TMEM132D: variants seen among roughly 807,000 people sequenced by gnomAD.
TMEM132D encodes the protein transmembrane protein 132D.
In TMEM132D, 21 loss-of-function variants were observed where a neutral mutation model predicts 62.3. The ratio of observed to expected loss-of-function variants is 0.34; its 90% CI spans 0.24 to 0.49. TMEM132D has a LOEUF of 0.49. Among genes scored for constraint, TMEM132D ranks in the 20% least tolerant of loss-of-function variants. TMEM132D has a pLI of 0.99. For missense variants in TMEM132D, 1,346 were observed against 1,402.8 expected (o/e 0.96, Z 0.65); for synonymous variants, 621 against 575.6 (o/e 1.08, Z -1.13).
At chr12:129,411,470 G>T (rs577075137) in intron 3 of TMEM132D, among the ~76,000 whole-genome samples, 1 of 152,234 alleles carries the variant, frequency 6.6e-6, no homozygotes, top group Admixed American at 6.5e-5. Flanking sequence ...CCAGGTTCAA[G>T]GGATCTTCCT....
chr12:129,522,962 A>ATG (rs1205498553), intron 3 of TMEM132D, among the ~76,000 whole-genome samples: 2 of 151,604 alleles, frequency 1.3e-5, no homozygotes, highest in African/African-American at 2.4e-5. Context: ...ATATATATAT[A>ATG]TACATAGATT....
intron 1 of TMEM132D, among the ~76,000 whole-genome samples, chr12:129,744,734 G>C (rs1450570524): frequency 6.6e-6 from 1 of 152,100 alleles, no homozygotes; most frequent in Non-Finnish European, 1.5e-5. Flanking sequence ...TCTAGGTCCT[G>C]AGCAAACGCA....
rs760907285 is a variant in TMEM132D at position 129,072,477 on chromosome 12, C to T, written c.*1398G>A. 1.3e-5 allele frequency: 2 copies of T among 152,288 alleles called. No homozygotes were observed. The highest frequency in any genetic ancestry group is 2.9e-5 in the Non-Finnish European group (2 of 68,092). The allele number at this position is 152,288 out of a possible 1,614,324, so 9.4% of individuals were successfully genotyped here. A position where few individuals can be genotyped will look rare whatever the true frequency, so the allele number is the denominator to read the frequency against. ...CATAAGTGAAGGGATTCAGGGATAT[C>T]CAGAGTCATGGCTGGTCTTAAGCAA... On this transcript the variant is annotated 3_prime_UTR_variant, in exon 9 of 9. Transcript: ENST00000422113.
intron 3 of TMEM132D, among the ~76,000 whole-genome samples, chr12:129,450,326 T>G (rs796715889): frequency 6.6e-5 from 10 of 152,352 alleles, no homozygotes; most frequent in African/African-American, 1.9e-4. Context: ...CCAGAGTTTT[T>G]ATAGTTTTGG....
intron 2 of TMEM132D, among the ~76,000 whole-genome samples, chr12:129,567,854 T>C (rs1466295456): frequency 6.6e-6 from 1 of 152,172 alleles, no homozygotes; most frequent in Non-Finnish European, 1.5e-5. Flanking sequence ...TCTCCAATAG[T>C]TCTGAACAGA....
At chr12:129,747,787 C>G (rs1483266967) in intron 1 of TMEM132D, among the ~76,000 whole-genome samples, 1 of 150,856 alleles carries the variant, frequency 6.6e-6, no homozygotes, top group Non-Finnish European at 1.5e-5. Flanking sequence ...CATTCACACA[C>G]TCGACACAGA....
intron 3 of TMEM132D, among the ~76,000 whole-genome samples, chr12:129,412,567 C>T (rs576122110): frequency 7.9e-4 from 120 of 152,162 alleles, no homozygotes; most frequent in African/African-American, 2.8e-3. Context: ...GATCTTAAAA[C>T]CATGAGGGGC....
chr12:129,526,739 G>A (rs1351022358), intron 3 of TMEM132D, among the ~76,000 whole-genome samples: 1 of 152,234 alleles, frequency 6.6e-6, no homozygotes, highest in Admixed American at 6.5e-5. Context: ...AGAGCTTCCA[G>A]GAAGGTTGCC....
chr12:129,466,574 T>C (rs1229179328), intron 3 of TMEM132D, among the ~76,000 whole-genome samples: 3 of 152,156 alleles, frequency 2.0e-5, no homozygotes, highest in South Asian at 2.1e-4. Context: ...CTATCACCTA[T>C]AATAACACTT....
At chr12:129,416,148 G>C (rs1488758006) in intron 3 of TMEM132D, among the ~76,000 whole-genome samples, 1 of 152,186 alleles carries the variant, frequency 6.6e-6, no homozygotes, top group African/African-American at 2.4e-5. Context: ...ACTTTGGGCA[G>C]TATGGCCATT....
In TMEM132D at chr12:129,875,184, A is replaced by C. The variant is rs145358065; in HGVS notation, c.79+28077T>G. On this transcript the variant is annotated intron_variant, in intron 1 of 8. Transcript: ENST00000422113. ...CGCATGGCCTGCCTGCAAAGCTGAA[A>C]GTGCGTGCTGGCTGGCCCTTAACAG... is the stretch of plus-strand genomic sequence containing the variant. 4.8e-3 allele frequency among the ~76,000 whole-genome samples: 734 copies of C among 152,358 alleles called. 7 individuals are homozygous for C. The highest frequency in any genetic ancestry group is 0.017 in the African/African-American group (709 of 41,590).
intron 3 of TMEM132D, among the ~76,000 whole-genome samples, chr12:129,365,787 C>T (rs551815911): frequency 1.9e-4 from 29 of 152,230 alleles, no homozygotes; most frequent in African/African-American, 5.5e-4. Flanking sequence ...GATGAGGCAG[C>T]TCCTGGCACT....
Position 129,465,014 on chromosome 12 carries a change from A to G in TMEM132D, c.1115+66045T>C, listed in dbSNP as rs541496904. ...TTTTTTCCAATTCTGTGAAGAAGGC[A>G]TTGGTAGCTTGATGGGGATGGCATT... is the stretch of plus-strand genomic sequence containing the variant. On this transcript the variant is annotated intron_variant, in intron 3 of 8. Coordinates refer to ENST00000422113, the MANE Select transcript of TMEM132D (RefSeq NM_133448.3). Among the ~76,000 whole-genome samples, 1,013 of 134,730 alleles carry G rather than the reference A, an allele frequency of 7.5e-3. 37 individuals are homozygous for G. The East Asian group carries it at 0.11, about 14-fold the overall frequency. 88.4% of individuals were successfully genotyped at this position (134,730 alleles called of 152,430 possible).
chr12:129,108,365 G>A (rs761259324), intron 5 of TMEM132D, among the ~76,000 whole-genome samples: 5 of 152,160 alleles, frequency 3.3e-5, no homozygotes, highest in Non-Finnish European at 7.3e-5. Context: ...GGCCGAGAGA[G>A]GCTGCCTGCT....
chr12:129,758,048 GCC>G (rs1250531339), intron 1 of TMEM132D, among the ~76,000 whole-genome samples: 1 of 152,050 alleles, frequency 6.6e-6, no homozygotes, highest in Non-Finnish European at 1.5e-5. Context: ...GATTACAGGT[GCC>G]TGCCACCATG....
chr12:129,737,595 G>T (rs1010190806), intron 1 of TMEM132D, among the ~76,000 whole-genome samples: 14 of 151,960 alleles, frequency 9.2e-5, no homozygotes, highest in African/African-American at 3.4e-4. Flanking sequence ...TGTGTCCACT[G>T]CCACTCACCA....
At chr12:129,733,363 CAG>C (rs1400257712) in intron 1 of TMEM132D, among the ~76,000 whole-genome samples, 3 of 152,056 alleles carry the variant, frequency 2.0e-5, no homozygotes, top group East Asian at 1.9e-4. Flanking sequence ...CAGCTGGTGA[CAG>C]AGAATAGTTT....
chr12:129,782,980 G>T (rs968928758), intron 1 of TMEM132D, among the ~76,000 whole-genome samples: 4 of 152,208 alleles, frequency 2.6e-5, no homozygotes, highest in African/African-American at 9.6e-5. Flanking sequence ...TTCAGAGCTG[G>T]ATTCTTCTTG....
At chr12:129,780,353 G>T (rs1042000256) in intron 1 of TMEM132D, among the ~76,000 whole-genome samples, 1 of 151,890 alleles carries the variant, frequency 6.6e-6, no homozygotes. Context: ...GGGGGGCCGG[G>T]GGGGCACAAA....
Sources: gnomAD v4.1 joint callset for allele counts (sites outside exome capture counted in the v4.1 genomes callset) on GRCh38, gnomAD v4.1.1 for gene constraint, MANE v1.5 for transcripts, NCBI Gene and HGNC (gene_info 2026-07-23, HGNC 2026-07-21) for gene names.